Variants in KDM1A observed in about 807,000 individuals in gnomAD.
KDM1A encodes lysine-specific histone demethylase 1A.
In KDM1A, 49 loss-of-function variants were observed where a neutral mutation model predicts 109.4. The ratio of observed to expected loss-of-function variants is 0.45; its 90% CI spans 0.36 to 0.57. KDM1A has a LOEUF of 0.57. KDM1A is among the 20% of genes least tolerant of loss of function. The pLI is 0.00. For missense variants in KDM1A, 668 were observed against 1,116.6 expected, an observed-to-expected ratio of 0.60 and a Z score of 5.73; for synonymous variants, 380 against 415.4, an observed-to-expected ratio of 0.91 and a Z score of 1.04.
At chr1:23,055,558 A>G (rs1423156040) in intron 6 of KDM1A, 1 of 172,276 alleles carries the variant, frequency 5.8e-6, no homozygotes, top group Non-Finnish European at 1.2e-5. Context: ...GAGACTTAAG[A>G]CTACAAGGTT....
intron 1 of KDM1A, 68 bp downstream of exon 1, chr1:23,020,015 C>G: frequency 1.4e-6 from 2 of 1,384,448 alleles, no homozygotes; most frequent in Non-Finnish European, 9.4e-7. Flanking sequence ...TCTCCGCCCT[C>G]CCCCGCCGCC....
chr1:23,078,966 T>C, intron 16 of KDM1A, 24 bp from the exon 17 acceptor site: 1 of 1,603,762 alleles, frequency 6.2e-7, no homozygotes, highest in Middle Eastern at 1.7e-4. Context: ...TCACCACTAG[T>C]CTTTTCCCAC....
chr1:23,025,718 T>C (rs994900307), intron 1 of KDM1A, among the ~76,000 whole-genome samples: 1 of 152,150 alleles, frequency 6.6e-6, no homozygotes, highest in African/African-American at 2.4e-5. Context: ...CAGAAAAAGA[T>C]GGAAGTAGCT....
chr1:23,063,198 G>C lies in KDM1A; in HGVS notation c.1168-2862G>C, dbSNP rs577935676. Among the ~76,000 whole-genome samples, 17 of 70,366 alleles carry C rather than the reference G, an allele frequency of 2.4e-4. 2 individuals are homozygous for C. Among genetic ancestry groups the C allele is most frequent in the East Asian group, 1.1e-3 (3 of 2,642 alleles). 46.2% of individuals were successfully genotyped at this position (70,366 alleles called of 152,430 possible). ...AAATTCCCACAGTGCTGTAGCATTG[G>C]GGGGGGGGTGTGGTGTGGGGTGGGT... On this transcript the variant is annotated intron_variant, in intron 9 of 20. Coordinates refer to ENST00000400181, the MANE Select transcript of KDM1A (RefSeq NM_001009999.3).
Position 23,083,313 on chromosome 1 carries a change from G to C in KDM1A, c.2580G>C (p.Leu860=). The C allele has an allele frequency of 6.2e-7, 1 of 1,613,912 alleles. No homozygotes were observed. The highest frequency in any genetic ancestry group is 8.5e-7 in the Non-Finnish European group (1 of 1,179,974). ...ADQFLGAMYT[L]PRQATPGVPA... ...AGTTTTTGGGGGCCATGTATACGCT[G>C]CCTCGCCAGGCCACACCAGGTGTTC... The change falls in exon 21 of 21, where the codon CTG becomes CTC. Residue 860 remains leucine (L), a synonymous_variant. Transcript: ENST00000400181.
intron 3 of KDM1A, among the ~76,000 whole-genome samples, chr1:23,049,200 A>G (rs5027299): frequency 0.066 from 9,837 of 149,128 alleles, 1,150 homozygotes; most frequent in African/African-American, 0.23. Context: ...TCTGGCGCCT[A>G]TTTTGTTACT....
rs146362689 is a variant in KDM1A at position 23,082,469 on chromosome 1, C to T, written c.2445+103C>T. On this transcript the variant is annotated intron_variant, in intron 20 of 20. Coordinates refer to ENST00000400181, the MANE Select transcript of KDM1A (RefSeq NM_001009999.3). ...TTTCAGATTTTAGTCATTCCATCTT[C>T]GGACCCTTTCAGATAACCAAGAGCA... is the stretch of plus-strand genomic sequence containing the variant. 4.9e-4 allele frequency: 543 copies of T among 1,119,190 alleles called. 7 individuals carry two copies. In the African/African-American group the frequency reaches 7.5e-3, roughly 15 times the overall value. The allele number at this position is 1,119,190 out of a possible 1,614,324, so 69.3% of individuals were successfully genotyped here.
At chr1:23,081,416 A>G in intron 18 of KDM1A, 30 bp from the exon 19 acceptor site, 2 of 1,611,404 alleles carry the variant, frequency 1.2e-6, no homozygotes, top group Non-Finnish European at 1.7e-6. Flanking sequence ...CTGTAGGAAA[A>G]CCCTAGAATT....
chr1:23,044,386 T>C, intron 2 of KDM1A, 41 bp from the exon 3 acceptor site: 1 of 1,590,554 alleles, frequency 6.3e-7, no homozygotes, highest in African/African-American at 1.3e-5. Context: ...TATCCTAATT[T>C]ATGGAGTAAG....
intron 3 of KDM1A, among the ~76,000 whole-genome samples, chr1:23,049,667 A>G (rs1220341464): frequency 6.6e-6 from 1 of 151,880 alleles, no homozygotes; most frequent in Non-Finnish European, 1.5e-5. Context: ...CCTGGGCAAT[A>G]AGAGTGAAAC....
rs1270194809 is a variant in KDM1A at position 23,059,084 on chromosome 1, A to G, written c.1084A>G (p.Met362Val). Residue 362 changes from methionine (M) to valine (V), a missense_variant, in exon 9 of 21, where the codon ATG (methionine) becomes GTG (valine). Physicochemically the swap from Met to Val is conservative, Grantham distance 21. This residue lies in a region of KDM1A where 53 missense variants were observed against 122.5 expected (regional missense o/e 0.43). Transcript: ENST00000400181. Reference protein sequence around the residue: ...MVVTGLGGNPMAVVSKQVNME... With the variant: ...MVVTGLGGNPVAVVSKQVNME... ...GAGTTTTTTTCTAGGAGGGAATCCTATGGCTGTGGTCAGCAAACAAGTAAA... is the reference window on the plus strand; with the variant it reads ...GAGTTTTTTTCTAGGAGGGAATCCTGTGGCTGTGGTCAGCAAACAAGTAAA... The G allele has an allele frequency of 2.5e-6, 4 of 1,609,748 alleles. No homozygotes were observed. The highest frequency in any genetic ancestry group is 8.5e-7 in the Non-Finnish European group (1 of 1,178,440).
chr1:23,070,959 C>T (rs1643301107), intron 12 of KDM1A, among the ~76,000 whole-genome samples: 1 of 152,172 alleles, frequency 6.6e-6, no homozygotes, highest in African/African-American at 2.4e-5. Context: ...CACTCCTCAT[C>T]CTTCTCATTC....
intron 11 of KDM1A, 135 bp downstream of exon 11, chr1:23,068,816 T>C (rs923217645): frequency 4.0e-6 from 3 of 752,726 alleles, no homozygotes; most frequent in African/African-American, 3.6e-5. Flanking sequence ...GAATCCAAAG[T>C]TAAAAATTAT....
intron 14 of KDM1A, among the ~76,000 whole-genome samples, 182 bp from the exon 15 acceptor site, chr1:23,073,110 T>C (rs1044572156): frequency 2.0e-5 from 3 of 152,162 alleles, no homozygotes; most frequent in Admixed American, 2.0e-4. Context: ...TTGGCACTGC[T>C]CTAGACATCA....
chr1:23,033,192 G>A (rs1165508717), intron 2 of KDM1A, among the ~76,000 whole-genome samples: 1 of 152,106 alleles, frequency 6.6e-6, no homozygotes, highest in African/African-American at 2.4e-5. Context: ...ACCTTTTCTT[G>A]TTCTCAGTCT....
intron 1 of KDM1A, among the ~76,000 whole-genome samples, chr1:23,022,688 C>G (rs1313896133): frequency 1.8e-5 from 2 of 112,740 alleles, no homozygotes; most frequent in Non-Finnish European, 3.3e-5. Flanking sequence ...GACAGTCTCT[C>G]TCTGTCACCA....
intron 2 of KDM1A, among the ~76,000 whole-genome samples, chr1:23,034,698 G>C (rs1157775126): frequency 1.3e-5 from 2 of 152,000 alleles, no homozygotes; most frequent in African/African-American, 4.8e-5. Context: ...TTAGTTCCTG[G>C]ATTTAAATTG....
intron 9 of KDM1A, among the ~76,000 whole-genome samples, chr1:23,064,031 CA>C (rs1374398036): frequency 6.6e-6 from 1 of 152,138 alleles, no homozygotes; most frequent in African/African-American, 2.4e-5. Flanking sequence ...GGACCACAGG[CA>C]CACACCCCTA....
intron 12 of KDM1A, 68 bp from the exon 13 acceptor site, chr1:23,071,157 G>T: frequency 2.2e-6 from 3 of 1,376,356 alleles, no homozygotes; most frequent in Non-Finnish European, 3.0e-6. Flanking sequence ...GCCAAAAAAG[G>T]GTACATGTGA....
Sources: allele counts gnomAD v4.1 joint callset (sites outside exome capture counted in the v4.1 genomes callset), GRCh38; gene constraint gnomAD v4.1.1; regional missense constraint gnomAD v4.1.1; transcripts MANE v1.5; gene names NCBI Gene and HGNC (gene_info 2026-07-23, HGNC 2026-07-21).